AP3B1: variants seen among roughly 807,000 people sequenced by gnomAD.
AP3B1 encodes adaptor related protein complex 3 subunit beta 1.
A neutral mutation model predicts 132.5 loss-of-function variants in AP3B1; 61 were observed. The ratio of observed to expected loss-of-function variants is 0.46; its 90% CI spans 0.37 to 0.57. The LOEUF (loss-of-function observed/expected upper bound fraction) is 0.57, where lower values mean the gene tolerates loss of function less well. Among genes scored for constraint, AP3B1 ranks in the 20% least tolerant of loss-of-function variants. The pLI is 0.00. For missense variants in AP3B1, 1,120 were observed against 1,289.4 expected, an observed-to-expected ratio of 0.87 and a Z score of 2.01; for synonymous variants, 388 against 438.3, an observed-to-expected ratio of 0.89 and a Z score of 1.43.
At chr5:78,174,198 G>A (rs1205584665) in intron 11 of AP3B1, among the ~76,000 whole-genome samples, 1 of 150,784 alleles carries the variant, frequency 6.6e-6, no homozygotes, top group East Asian at 1.9e-4. Flanking sequence ...ACTCATCAAA[G>A]TCATTCTCCA....
intron 15 of AP3B1, among the ~76,000 whole-genome samples, chr5:78,130,284 G>A (rs1320638569): frequency 2.6e-5 from 4 of 151,998 alleles, no homozygotes; most frequent in African/African-American, 9.6e-5. Context: ...ATTTACTTTA[G>A]ATTAGAAGAT....
At chr5:78,255,371 C>T (rs1747808001) in intron 2 of AP3B1, among the ~76,000 whole-genome samples, 2 of 151,914 alleles carry the variant, frequency 1.3e-5, no homozygotes, top group South Asian at 4.1e-4. Context: ...CCCATAAAAA[C>T]ATATATCAGC....
At position 78,240,913 on chromosome 5, in the gene AP3B1, T is replaced by C. The variant is rs777905793; in HGVS notation, c.228A>G (p.Ala76=). The C allele has an allele frequency of 6.2e-7, 1 of 1,613,112 alleles. No individual in the cohort carries two copies. Among genetic ancestry groups the C allele is most frequent in the South Asian group, 1.1e-5 (1 of 91,026 alleles). ...TCACAACAGCAGGAAACAGTTCAGATGCATTTTTCCCTTTTGCAATCATCT... is the reference window on the plus strand; with the variant it reads ...TCACAACAGCAGGAAACAGTTCAGACGCATTTTTCCCTTTTGCAATCATCT... ...IVGMIAKGKN[A]SELFPAVVKN... is the part of the protein sequence containing the mutation. Residue 76 remains alanine, a synonymous_variant, in exon 3 of 27, where the codon GCA becomes GCG. Transcript: ENST00000255194.
intron 22 of AP3B1, 131 bp downstream of exon 22, chr5:78,089,262 C>G: frequency 1.4e-6 from 1 of 711,624 alleles, no homozygotes; most frequent in Non-Finnish European, 2.4e-6. Flanking sequence ...AAGGTCTTAG[C>G]TAAATTGGGC....
intron 7 of AP3B1, among the ~76,000 whole-genome samples, chr5:78,187,379 T>C (rs2112425700): frequency 6.6e-6 from 1 of 152,246 alleles, no homozygotes; most frequent in South Asian, 2.1e-4. Flanking sequence ...ACTAACAAAA[T>C]CATCAAAATG....
intron 7 of AP3B1, among the ~76,000 whole-genome samples, chr5:78,190,120 TAAC>T (rs1386944688): frequency 6.6e-6 from 1 of 152,042 alleles, no homozygotes; most frequent in East Asian, 1.9e-4. Context: ...TTATTTGAAA[TAAC>T]AAAGTTTTTA....
chr5:78,291,614 C>T (rs1229029151), intron 1 of AP3B1, among the ~76,000 whole-genome samples: 2 of 151,790 alleles, frequency 1.3e-5, no homozygotes, highest in Non-Finnish European at 1.5e-5. Context: ...ACCAGCAAAC[C>T]CAAAAACTGA....
intron 22 of AP3B1, among the ~76,000 whole-genome samples, chr5:78,051,813 G>A (rs1748596405): frequency 6.6e-6 from 1 of 152,082 alleles, no homozygotes; most frequent in African/African-American, 2.4e-5. Flanking sequence ...GACGAGGTAA[G>A]AAAATAGCTA....
intron 22 of AP3B1, among the ~76,000 whole-genome samples, chr5:78,080,537 G>T (rs1048457929): frequency 1.4e-5 from 2 of 144,500 alleles, no homozygotes; most frequent in South Asian, 2.2e-4. Flanking sequence ...TAGCCACATC[G>T]ATTAGTGAGT....
chr5:78,197,235 T>A (rs576923957), intron 7 of AP3B1, among the ~76,000 whole-genome samples: 2 of 152,072 alleles, frequency 1.3e-5, no homozygotes, highest in African/African-American at 2.4e-5. Context: ...CTATCTTATA[T>A]AAAAATAGGT....
chr5:78,223,602 A>G (rs1746280943), intron 6 of AP3B1, among the ~76,000 whole-genome samples: 1 of 152,202 alleles, frequency 6.6e-6, no homozygotes, highest in African/African-American at 2.4e-5. Context: ...TTACACAGAT[A>G]TTGTATCTTT....
intron 26 of AP3B1, among the ~76,000 whole-genome samples, chr5:78,008,456 T>C (rs867853828): frequency 6.6e-6 from 1 of 152,220 alleles, no homozygotes; most frequent in Non-Finnish European, 1.5e-5. Context: ...AAATATGCTT[T>C]CTGTGTGAAA....
chr5:78,075,228 A>G (rs1473392321), intron 22 of AP3B1, among the ~76,000 whole-genome samples: 1 of 152,208 alleles, frequency 6.6e-6, no homozygotes, highest in African/African-American at 2.4e-5. Flanking sequence ...ACTACTCAAG[A>G]GAAACTGAAA....
At chr5:78,109,932 AT>A (rs1438086546) in intron 20 of AP3B1, among the ~76,000 whole-genome samples, 1 of 152,012 alleles carries the variant, frequency 6.6e-6, no homozygotes, top group Non-Finnish European at 1.5e-5. Context: ...GCTCAATACT[AT>A]TTTTGTGACT....
chr5:78,167,632 TACAC>T lies in AP3B1; in HGVS notation c.1168-1964_1168-1961del, dbSNP rs77249088. Among the ~76,000 whole-genome samples the T allele has an allele frequency of 3.2e-4, 47 of 146,162 alleles. 1 individual carries two copies. The highest frequency in any genetic ancestry group is 3.0e-3 in the East Asian group (15 of 5,042). ...GTGGATAAAGAACATGTTATATATA[TACAC>T]ACACACACACACACACACACACATA... On this transcript the variant is annotated intron_variant, in intron 11 of 26. Coordinates refer to ENST00000255194, the MANE Select transcript of AP3B1 (RefSeq NM_003664.5).
intron 1 of AP3B1, among the ~76,000 whole-genome samples, chr5:78,274,914 C>CTT (rs57570732): frequency 9.4e-5 from 14 of 149,458 alleles, no homozygotes; most frequent in Non-Finnish European, 2.1e-4. Context: ...GAGACCCTAT[C>CTT]TTTTTTTTAA....
chr5:78,181,561 A>G lies in AP3B1; in HGVS notation c.888T>C (p.Asp296=). Residue 296 remains aspartate, a synonymous_variant, in exon 8 of 27, where the codon GAT becomes GAC. Coordinates refer to ENST00000255194, the MANE Select transcript of AP3B1 (RefSeq NM_003664.5). ...KKKKPYTMDP[D]HRLLIRNTKP... ...TTGTATTTCTAATTAAGAGTCTATGATCTGGATCCATAGTATACGGCTTCT... is the reference window on the plus strand; with the variant it reads ...TTGTATTTCTAATTAAGAGTCTATGGTCTGGATCCATAGTATACGGCTTCT... 6.2e-7 allele frequency: 1 copy of G among 1,613,118 alleles called. No individual in the cohort carries two copies. Among genetic ancestry groups the G allele is most frequent in the Middle Eastern group, 1.7e-4 (1 of 6,046 alleles).
chr5:78,005,517 G>A (rs1191589863), intron 26 of AP3B1, among the ~76,000 whole-genome samples: 1 of 152,202 alleles, frequency 6.6e-6, no homozygotes, highest in Non-Finnish European at 1.5e-5. Flanking sequence ...GTACTATAAA[G>A]AATAGGGGTA....
chr5:78,035,197 C>T (rs927654457), intron 23 of AP3B1, among the ~76,000 whole-genome samples: 4 of 151,592 alleles, frequency 2.6e-5, no homozygotes, highest in African/African-American at 9.7e-5. Context: ...CAAACAAGAA[C>T]AAAATTTTAT....
Sources: allele counts gnomAD v4.1 joint callset (sites outside exome capture counted in the v4.1 genomes callset), GRCh38; gene constraint gnomAD v4.1.1; transcripts MANE v1.5; gene names NCBI Gene and HGNC (gene_info 2026-07-23, HGNC 2026-07-21).